The following DDAH1 variants were observed in gnomAD, a reference collection of about 807,000 sequenced individuals.
DDAH1 encodes the protein dimethylarginine dimethylaminohydrolase 1.
A neutral mutation model predicts 28.8 loss-of-function variants in DDAH1; 19 were observed. That is an observed-to-expected ratio of 0.66 (90% CI 0.46 to 0.97). DDAH1 has a LOEUF of 0.97. Ranked by LOEUF, DDAH1 falls within the 50% of genes least tolerant of loss-of-function variation. The pLI is 0.00. For missense variants in DDAH1, 326 were observed against 375.9 expected, an observed-to-expected ratio of 0.87 and a Z score of 1.10; for synonymous variants, 153 against 154.4, an observed-to-expected ratio of 0.99 and a Z score of 0.07.
intron 1 of DDAH1, among the ~76,000 whole-genome samples, chr1:85,388,386 G>A (rs1651382735): frequency 6.6e-6 from 1 of 151,958 alleles, no homozygotes; most frequent in South Asian, 2.1e-4. Context: ...ATAAATACAA[G>A]TCATATAAAT....
chr1:85,401,731 G>A (rs1652119538), intron 1 of DDAH1, among the ~76,000 whole-genome samples: 1 of 151,822 alleles, frequency 6.6e-6, no homozygotes, highest in Non-Finnish European at 1.5e-5. Context: ...TCAAACTCCT[G>A]CACTCAAGTG....
intron 1 of DDAH1, among the ~76,000 whole-genome samples, chr1:85,537,567 T>TAAAC (rs10679922): frequency 1.1e-5 from 1 of 89,764 alleles, no homozygotes; most frequent in Non-Finnish European, 2.2e-5. Flanking sequence ...AAATTACAAT[T>TAAAC]AGGAAGAATA....
intron 1 of DDAH1, among the ~76,000 whole-genome samples, chr1:85,565,617 AG>A (rs561614186): frequency 4.7e-4 from 72 of 152,380 alleles, no homozygotes; most frequent in African/African-American, 1.7e-3. Flanking sequence ...GATATTCAAA[AG>A]CTAAAAGAAT....
chr1:85,475,600 A>G (rs989157626), intron 2 of DDAH1, among the ~76,000 whole-genome samples: 2 of 152,362 alleles, frequency 1.3e-5, no homozygotes. Flanking sequence ...ATGTATAGGC[A>G]TAACTCTTAG....
intron 2 of DDAH1, chr1:85,494,167 T>G (rs1446069609): frequency 6.6e-6 from 1 of 152,202 alleles, no homozygotes; most frequent in African/African-American, 2.4e-5. Flanking sequence ...ATCTGGATAA[T>G]AATTCAGATT....
chr1:85,383,162 G>A (rs1020628039), intron 1 of DDAH1, among the ~76,000 whole-genome samples: 6 of 152,156 alleles, frequency 3.9e-5, no homozygotes, highest in Non-Finnish European at 8.8e-5. Flanking sequence ...AAAATAAGTG[G>A]GAAACCTTTT....
intron 1 of DDAH1, chr1:85,379,840 C>T (rs987754019): frequency 4.4e-5 from 16 of 365,878 alleles, no homozygotes; most frequent in Non-Finnish European, 5.3e-5. Context: ...CTCTTTTCCA[C>T]GTTTCTACCA....
intron 1 of DDAH1, among the ~76,000 whole-genome samples, chr1:85,374,583 A>G (rs757281437): frequency 2.6e-5 from 4 of 152,158 alleles, no homozygotes; most frequent in Non-Finnish European, 2.9e-5. Flanking sequence ...GAAAGTATAG[A>G]TAAGTCAAAT....
rs538004398 is a variant in DDAH1, at chr1:85,464,630, T to C, written c.303+113A>G. ...CACACACTCGCCCCCCGACGGGAAG[T>C]TGTGAACTACTAGCCCGAGGGCCAA... On this transcript the variant is annotated intron_variant, in intron 1 of 5. Coordinates refer to ENST00000284031, the MANE Select transcript of DDAH1 (RefSeq NM_012137.4). This position sits in a 1 kb window ranked among gnomAD's most constrained non-coding sequence, Gnocchi z 4.4. The C allele has an allele frequency of 1.3e-6, 2 of 1,511,528 alleles. No homozygotes were observed. The highest frequency in any genetic ancestry group is 4.0e-5 in the Admixed American group (2 of 49,470). 93.6% of individuals were successfully genotyped at this position (1,511,528 alleles called of 1,614,324 possible). A position where few individuals can be genotyped will look rare whatever the true frequency, so the allele number is the denominator to read the frequency against.
intron 2 of DDAH1, among the ~76,000 whole-genome samples, chr1:85,473,596 T>G (rs1655694635): frequency 6.6e-6 from 1 of 151,938 alleles, no homozygotes; most frequent in African/African-American, 2.4e-5. Context: ...AGTTTCGCAA[T>G]GCCAGGGAAT....
intron 1 of DDAH1, among the ~76,000 whole-genome samples, chr1:85,428,456 G>A (rs904856879): frequency 6.6e-6 from 1 of 152,052 alleles, no homozygotes; most frequent in Non-Finnish European, 1.5e-5. Flanking sequence ...AACAGCATGG[G>A]AAAGATTCGC....
chr1:85,359,134 G>A (rs1379687046), intron 1 of DDAH1, among the ~76,000 whole-genome samples: 1 of 152,150 alleles, frequency 6.6e-6, no homozygotes, highest in Admixed American at 6.5e-5. Context: ...CAATACTGTT[G>A]GAGGCCGACT....
At chr1:85,562,211 C>A (rs1659162710) in intron 1 of DDAH1, among the ~76,000 whole-genome samples, 1 of 151,506 alleles carries the variant, frequency 6.6e-6, no homozygotes, top group Non-Finnish European at 1.5e-5. Flanking sequence ...TTTAATGCAA[C>A]AATCTCACTG....
intron 1 of DDAH1, among the ~76,000 whole-genome samples, chr1:85,572,196 C>A (rs1457875471): frequency 6.6e-6 from 1 of 152,060 alleles, no homozygotes; most frequent in Non-Finnish European, 1.5e-5. Context: ...CAGGCAAGGG[C>A]CCTAAGGAGA....
chr1:85,509,203 G>A (rs974213827), intron 1 of DDAH1, among the ~76,000 whole-genome samples: 6 of 152,204 alleles, frequency 3.9e-5, no homozygotes, highest in Admixed American at 1.3e-4. Context: ...AGGCAAAGAG[G>A]GTCTGGAGTG....
At chr1:85,364,950 A>G (rs1649993581) in intron 1 of DDAH1, among the ~76,000 whole-genome samples, 1 of 152,198 alleles carries the variant, frequency 6.6e-6, no homozygotes, top group East Asian at 1.9e-4. Context: ...ATAAAAACAT[A>G]TTGGGATCCT....
intron 1 of DDAH1, among the ~76,000 whole-genome samples, chr1:85,413,720 C>A (rs1047829336): frequency 6.6e-6 from 1 of 152,182 alleles, no homozygotes; most frequent in South Asian, 2.1e-4. Context: ...GAAAAACAAT[C>A]GAAGTCAAGC....
chr1:85,372,566 T>C (rs1466194290), intron 1 of DDAH1, among the ~76,000 whole-genome samples: 1 of 152,140 alleles, frequency 6.6e-6, no homozygotes, highest in Non-Finnish European at 1.5e-5. Flanking sequence ...CATATTTTTC[T>C]TGCCATTATA....
chr1:85,477,919 T>C (rs1016077833), intron 2 of DDAH1, among the ~76,000 whole-genome samples: 3 of 152,210 alleles, frequency 2.0e-5, no homozygotes, highest in Admixed American at 6.5e-5. Flanking sequence ...CTATTCTCTA[T>C]TCAGTTTTTG....
Sources: allele counts gnomAD v4.1 joint callset (sites outside exome capture counted in the v4.1 genomes callset), GRCh38; gene constraint gnomAD v4.1.1; non-coding constraint Gnocchi (gnomAD v3.1); transcripts MANE v1.5; gene names NCBI Gene and HGNC (gene_info 2026-07-23, HGNC 2026-07-21).